Variants in PPP1R9A observed in about 807,000 individuals in gnomAD.
PPP1R9A encodes neurabin-1.
In PPP1R9A, 59 loss-of-function variants were observed where a neutral mutation model predicts 141.9. The ratio of observed to expected loss-of-function variants is 0.42; its 90% CI spans 0.34 to 0.52. The LOEUF (loss-of-function observed/expected upper bound fraction) is 0.52. PPP1R9A is among the 20% of genes least tolerant of loss of function. The pLI is 0.10. For missense variants in PPP1R9A, 1,444 were observed against 1,611.9 expected, an observed-to-expected ratio of 0.90 and a Z score of 1.78; for synonymous variants, 500 against 569.7, an observed-to-expected ratio of 0.88 and a Z score of 1.74.
At position 95,004,378 on chromosome 7, in the gene PPP1R9A, G is replaced by A. The variant is rs1227552094; in HGVS notation, c.1395+92870G>A. On this transcript the variant is annotated intron_variant, in intron 2 of 19. Coordinates refer to ENST00000433360, the MANE Select transcript of PPP1R9A (RefSeq NM_001166160.2). ...GGAGAGGAAGAGAGGACACACCTAG[G>A]TTACATTTGGCCTCTTTTAAGTCTG... 3.3e-5 allele frequency among the ~76,000 whole-genome samples: 5 copies of A among 152,150 alleles called. No individual in the cohort carries two copies. The East Asian group carries it at 7.8e-4, about 24-fold the overall frequency.
chr7:95,272,647 T>TACAAA (rs1802387820), intron 14 of PPP1R9A, among the ~76,000 whole-genome samples: 1 of 152,256 alleles, frequency 6.6e-6, no homozygotes, highest in Non-Finnish European at 1.5e-5. Context: ...TGTCCTGTGC[T>TACAAA]GCTTGAGAGC....
chr7:94,976,827 G>C (rs973967189), intron 2 of PPP1R9A, among the ~76,000 whole-genome samples: 1 of 152,008 alleles, frequency 6.6e-6, no homozygotes, highest in Non-Finnish European at 1.5e-5. Context: ...GTATCTGCTT[G>C]GTGTCAGGCT....
intron 2 of PPP1R9A, among the ~76,000 whole-genome samples, chr7:94,948,142 G>A (rs192563974): frequency 1.7e-4 from 26 of 152,010 alleles, no homozygotes; most frequent in Admixed American, 1.5e-3. Flanking sequence ...ATTCAGTATG[G>A]GTCCGTAGGA....
chr7:94,937,908 AT>A lies in PPP1R9A; in HGVS notation c.1395+26401del, dbSNP rs532796931. On this transcript the variant is annotated intron_variant, in intron 2 of 19. Transcript: ENST00000433360. ...GGAGGTCTTGAATGTGAAATGTTTA[AT>A]GTGGGACTTGGTACAGGTACGTACT... Among the ~76,000 whole-genome samples, 312 of 152,306 alleles carry A rather than the reference AT, an allele frequency of 2.0e-3. 1 individual carries two copies. The highest frequency in any genetic ancestry group is 4.3e-3 in the South Asian group (21 of 4,830).
At chr7:95,042,140 A>G (rs1809334403) in intron 2 of PPP1R9A, among the ~76,000 whole-genome samples, 2 of 152,136 alleles carry the variant, frequency 1.3e-5, no homozygotes, top group Non-Finnish European at 2.9e-5. Context: ...GGGAGTTCCT[A>G]GTCTACTTGT....
chr7:94,913,677 T>A (rs550222265), intron 2 of PPP1R9A, among the ~76,000 whole-genome samples: 1 of 152,332 alleles, frequency 6.6e-6, no homozygotes, highest in Non-Finnish European at 1.5e-5. Flanking sequence ...TTTCTACTGG[T>A]CATGGTGGTG....
At chr7:95,090,419 C>T (rs970671444) in intron 2 of PPP1R9A, among the ~76,000 whole-genome samples, 2 of 151,890 alleles carry the variant, frequency 1.3e-5, no homozygotes, top group Non-Finnish European at 2.9e-5. Flanking sequence ...TATGGAAAGA[C>T]TTATGCCCAT....
intron 2 of PPP1R9A, among the ~76,000 whole-genome samples, chr7:94,952,761 A>G (rs906015386): frequency 2.6e-5 from 4 of 152,098 alleles, no homozygotes; most frequent in African/African-American, 9.7e-5. Flanking sequence ...TTCTTTTGAT[A>G]ATTGCCTGTT....
chr7:95,027,357 A>T (rs892601006), intron 2 of PPP1R9A, among the ~76,000 whole-genome samples: 1 of 151,990 alleles, frequency 6.6e-6, no homozygotes, highest in Non-Finnish European at 1.5e-5. Context: ...GACCTCTTGC[A>T]CTTCCTGGGT....
At chr7:95,103,609 C>T (rs1819113966) in intron 2 of PPP1R9A, among the ~76,000 whole-genome samples, 5 of 152,042 alleles carry the variant, frequency 3.3e-5, no homozygotes, top group Admixed American at 3.3e-4. Context: ...ACCTGGTGAT[C>T]CGCCTGCCTC....
intron 12 of PPP1R9A, among the ~76,000 whole-genome samples, chr7:95,265,034 C>T (rs550274993): frequency 1.2e-4 from 18 of 152,236 alleles, no homozygotes; most frequent in African/African-American, 4.1e-4. Flanking sequence ...TTGGATTTCC[C>T]CTGCCACACT....
chr7:95,262,554 G>A (rs947756364), intron 12 of PPP1R9A, among the ~76,000 whole-genome samples: 5 of 152,106 alleles, frequency 3.3e-5, no homozygotes, highest in Non-Finnish European at 5.9e-5. Flanking sequence ...TTTCCAGGTA[G>A]TCTAGCGGTA....
At chr7:94,938,357 G>A (rs1794987536) in intron 2 of PPP1R9A, among the ~76,000 whole-genome samples, 1 of 152,096 alleles carries the variant, frequency 6.6e-6, no homozygotes, top group African/African-American at 2.4e-5. Flanking sequence ...GGGGAGTGCT[G>A]GAGTAGAAGG....
intron 2 of PPP1R9A, among the ~76,000 whole-genome samples, chr7:94,998,805 C>A (rs1323891419): frequency 6.6e-6 from 1 of 152,164 alleles, no homozygotes; most frequent in Non-Finnish European, 1.5e-5. Flanking sequence ...TACTCTGTCA[C>A]CCAGGTTGGG....
At chr7:95,060,064 C>G (rs1416156183) in intron 2 of PPP1R9A, among the ~76,000 whole-genome samples, 4 of 152,148 alleles carry the variant, frequency 2.6e-5, no homozygotes, top group Non-Finnish European at 5.9e-5. Flanking sequence ...TGGTGATTCT[C>G]TGAAGTCTAC....
intron 3 of PPP1R9A, among the ~76,000 whole-genome samples, chr7:95,113,655 T>C (rs1283626459): frequency 6.6e-6 from 1 of 152,176 alleles, no homozygotes; most frequent in Non-Finnish European, 1.5e-5. Context: ...GTAAAAAGGA[T>C]GGTGATCCAA....
intron 16 of PPP1R9A, among the ~76,000 whole-genome samples, chr7:95,282,715 G>T (rs1804509219): frequency 6.6e-6 from 1 of 152,062 alleles, no homozygotes; most frequent in African/African-American, 2.4e-5. Flanking sequence ...ATGACATCTG[G>T]TTCCCCCAGC....
intron 2 of PPP1R9A, among the ~76,000 whole-genome samples, chr7:95,094,293 A>G (rs781312997): frequency 1.3e-5 from 2 of 152,184 alleles, no homozygotes; most frequent in Non-Finnish European, 2.9e-5. Flanking sequence ...AGGACTTTTT[A>G]TGCCCTTCTC....
chr7:94,950,279 GCT>G (rs1796330947), intron 2 of PPP1R9A, among the ~76,000 whole-genome samples: 1 of 152,094 alleles, frequency 6.6e-6, no homozygotes, highest in African/African-American at 2.4e-5. Context: ...GACTAGGCCA[GCT>G]CTTTTTTTAT....
Sources: gnomAD v4.1 joint callset for allele counts (sites outside exome capture counted in the v4.1 genomes callset) on GRCh38, gnomAD v4.1.1 for gene constraint, MANE v1.5 for transcripts, NCBI Gene and HGNC (gene_info 2026-07-23, HGNC 2026-07-21) for gene names.